The following EPS8 variants were observed in gnomAD, a reference collection of about 807,000 sequenced individuals.
EPS8 encodes EGFR pathway substrate 8, signaling adaptor, also known as epidermal growth factor receptor kinase substrate 8.
In EPS8, 42 loss-of-function variants were observed where a neutral mutation model predicts 103.8. The ratio of observed to expected loss-of-function variants is 0.40; its 90% CI spans 0.32 to 0.52. The LOEUF is 0.52. Among genes scored for constraint, EPS8 ranks in the 20% least tolerant of loss-of-function variants. The pLI, the probability that EPS8 is intolerant of heterozygous loss-of-function variation, is 0.40. For missense variants in EPS8, 969 were observed against 1,005.1 expected (o/e 0.96, Z 0.49); for synonymous variants, 344 against 344.6 (o/e 1.00, Z 0.02).
chr12:15,786,578 T>G lies in EPS8; in HGVS notation c.-22+2583A>C, dbSNP rs561011811. Among the ~76,000 whole-genome samples, 13 of 152,166 alleles carry G rather than the reference T, an allele frequency of 8.5e-5. No individual in the cohort carries two copies. The South Asian group carries it at 2.7e-3, about 32-fold the overall frequency. Reference sequence around the variant, plus strand: ...AGTAACAAATACCAATAATACAAGATGTTAATAAGAGGGGAAGCTGGTATG... The same window carrying G: ...AGTAACAAATACCAATAATACAAGAGGTTAATAAGAGGGGAAGCTGGTATG... On this transcript the variant is annotated intron_variant, in intron 1 of 20. Transcript: ENST00000281172.
In EPS8 at chr12:15,725,740, G is replaced by A. The variant is rs1400770960; in HGVS notation, c.-21-42768C>T. ...TAACAGAGAAATGAACAAAAAGATGGAAAAATATGAATTTTAAAAATTTAC... is the reference window on the plus strand; with the variant it reads ...TAACAGAGAAATGAACAAAAAGATGAAAAAATATGAATTTTAAAAATTTAC... On this transcript the variant is annotated intron_variant, in intron 1 of 20. Transcript: ENST00000281172. The surrounding 1 kb of genome is among the most constrained non-coding windows in gnomAD (Gnocchi z 4.5). 6.6e-6 allele frequency among the ~76,000 whole-genome samples: 1 copy of A among 152,080 alleles called. No individual in the cohort carries two copies. The highest frequency in any genetic ancestry group is 2.4e-5 in the African/African-American group (1 of 41,404).
chr12:15,666,526 C>A lies in EPS8; in HGVS notation c.517-4G>T, dbSNP rs138864985. 176 of 1,607,916 alleles carry A rather than the reference C, an allele frequency of 1.1e-4. 4 individuals are homozygous for A. The Admixed American group carries it at 2.8e-3, about 26-fold the overall frequency. ...TATCTTCACTAATTAGGTTTGCCTG[C>A]AAAGAGACACAAGTTACCTGAAAGT... On this transcript the variant is annotated splice_region_variant and splice_polypyrimidine_tract_variant and intron_variant, in intron 6 of 20. Transcript: ENST00000281172.
rs189939226 is a variant in EPS8 at position 15,761,130 on chromosome 12, C to T, written c.-22+28031G>A. On this transcript the variant is annotated intron_variant, in intron 1 of 20. Coordinates refer to ENST00000281172, the MANE Select transcript of EPS8 (RefSeq NM_004447.6). This position sits in a 1 kb window ranked among gnomAD's most constrained non-coding sequence, Gnocchi z 4.5. ...ATAATCAAATTACAAAAATCAGTAG[C>T]ATTTCTACATGCCAACAGACAACAA... 1.4e-3 allele frequency among the ~76,000 whole-genome samples: 220 copies of T among 151,924 alleles called. 1 individual carries two copies. Among genetic ancestry groups the T allele is most frequent in the African/African-American group, 5.1e-3 (210 of 41,472 alleles).
chr12:15,770,647 A>G (rs1366125953), intron 1 of EPS8, among the ~76,000 whole-genome samples: 1 of 152,214 alleles, frequency 6.6e-6, no homozygotes, highest in East Asian at 1.9e-4. Flanking sequence ...GTGAGATGTT[A>G]AAGAGCATAA....
intron 14 of EPS8, 55 bp from the exon 15 acceptor site, chr12:15,647,315 A>C: frequency 3.3e-6 from 5 of 1,510,918 alleles, no homozygotes; most frequent in Non-Finnish European, 3.6e-6. Context: ...TTGAATCAGC[A>C]CTCAGGTCAG....
At chr12:15,681,956 T>C (rs767224960) in intron 2 of EPS8, among the ~76,000 whole-genome samples, 11 of 152,020 alleles carry the variant, frequency 7.2e-5, no homozygotes, top group Admixed American at 7.2e-4. Flanking sequence ...ATAAAATAAG[T>C]ACATAAAATA....
intron 18 of EPS8, among the ~76,000 whole-genome samples, chr12:15,630,348 G>A (rs981923017): frequency 5.3e-5 from 8 of 151,918 alleles, no homozygotes; most frequent in Non-Finnish European, 1.2e-4. Flanking sequence ...TTTATAATAC[G>A]TTTAAAACAC....
At chr12:15,691,535 C>G (rs1946172136) in intron 1 of EPS8, among the ~76,000 whole-genome samples, 1 of 152,116 alleles carries the variant, frequency 6.6e-6, no homozygotes, top group African/African-American at 2.4e-5. Context: ...GGGAGACATT[C>G]GGTTCATAAC....
intron 1 of EPS8, among the ~76,000 whole-genome samples, chr12:15,689,295 A>G (rs898481945): frequency 3.3e-5 from 5 of 152,152 alleles, no homozygotes; most frequent in Admixed American, 2.0e-4. Flanking sequence ...TTGGAAAGGA[A>G]GAGTATTTAC....
Position 15,738,986 on chromosome 12 carries a change from T to G in EPS8, c.-22+50175A>C, listed in dbSNP as rs761955700. 1.3e-5 allele frequency among the ~76,000 whole-genome samples: 2 copies of G among 152,214 alleles called. No homozygotes were observed. Among genetic ancestry groups the G allele is most frequent in the Non-Finnish European group, 2.9e-5 (2 of 68,036 alleles). ...GTCCATGCAGGCATGTCTATGCAGA[T>G]TGCTCTAATATAGCACAGACTACAT... On this transcript the variant is annotated intron_variant, in intron 1 of 20. Coordinates refer to ENST00000281172, the MANE Select transcript of EPS8 (RefSeq NM_004447.6). The surrounding 1 kb of genome is among the most constrained non-coding windows in gnomAD (Gnocchi z 6.2).
rs1010649064 is a variant in EPS8 at position 15,704,734 on chromosome 12, T to C, written c.-21-21762A>G. Among the ~76,000 whole-genome samples the C allele has an allele frequency of 3.9e-5, 6 of 152,170 alleles. No homozygotes were observed. The highest frequency in any genetic ancestry group is 7.4e-5 in the Non-Finnish European group (5 of 68,024). On this transcript the variant is annotated intron_variant, in intron 1 of 20. Transcript: ENST00000281172. This position sits in a 1 kb window ranked among gnomAD's most constrained non-coding sequence, Gnocchi z 4.6. Reference sequence around the variant, plus strand: ...AAGATGGTTAAGTTGGTAAATTTAATATCAACTTTATCACAATAATTAGAG... The same window carrying C: ...AAGATGGTTAAGTTGGTAAATTTAACATCAACTTTATCACAATAATTAGAG...
rs1946787909 is a variant in EPS8 at position 15,738,478 on chromosome 12, C to A, written c.-22+50683G>T. Among the ~76,000 whole-genome samples, 1 of 152,104 alleles carries A rather than the reference C, an allele frequency of 6.6e-6. No individual in the cohort carries two copies. Among genetic ancestry groups the A allele is most frequent in the South Asian group, 2.1e-4 (1 of 4,828 alleles). The stretch of plus-strand genomic sequence containing the variant: ...TCAATATGTTTGGTGTTTGAAGGAT[C>A]AATCTATACTAAAAATATCAAAATA... On this transcript the variant is annotated intron_variant, in intron 1 of 20. Transcript: ENST00000281172. This position sits in a 1 kb window ranked among gnomAD's most constrained non-coding sequence, Gnocchi z 6.2.
intron 1 of EPS8, among the ~76,000 whole-genome samples, chr12:15,739,399 T>C (rs1000616402): frequency 1.3e-5 from 2 of 152,098 alleles, no homozygotes; most frequent in African/African-American, 4.8e-5. Context: ...TCTGTGACGG[T>C]GTTTCTGGGA....
At chr12:15,642,631 C>A (rs1163631088) in intron 15 of EPS8, among the ~76,000 whole-genome samples, 1 of 151,986 alleles carries the variant, frequency 6.6e-6, no homozygotes, top group Non-Finnish European at 1.5e-5. Flanking sequence ...ATTACTTTAA[C>A]CCTTTATTAA....
rs114075063 is a variant in EPS8, at chr12:15,767,279, C to T, written c.-22+21882G>A. Among the ~76,000 whole-genome samples, 443 of 152,246 alleles carry T rather than the reference C, an allele frequency of 2.9e-3. 2 individuals are homozygous for T. Among genetic ancestry groups the T allele is most frequent in the African/African-American group, 0.01 (429 of 41,530 alleles). On this transcript the variant is annotated intron_variant, in intron 1 of 20. Transcript: ENST00000281172. The surrounding 1 kb of genome is among the most constrained non-coding windows in gnomAD (Gnocchi z 5.5). ...ATGGACAGAACAACAGAGTTCATCC[C>T]TACCATTTTCACAAATTATTTCTAC...
intron 1 of EPS8, among the ~76,000 whole-genome samples, chr12:15,707,163 G>A (rs1946398397): frequency 6.6e-6 from 1 of 152,110 alleles, no homozygotes; most frequent in South Asian, 2.1e-4. Context: ...TCCTAAAAGG[G>A]AACAAGTCTA....
Position 15,776,787 on chromosome 12 carries a change from G to A in EPS8, c.-22+12374C>T, listed in dbSNP as rs1464664446. 9.2e-5 allele frequency among the ~76,000 whole-genome samples: 14 copies of A among 151,980 alleles called. No individual in the cohort carries two copies. Among genetic ancestry groups the A allele is most frequent in the African/African-American group, 3.1e-4 (13 of 41,392 alleles). ...TTTTAGCGTTTCCCCTTTTGCTACCGCCAAACTATTTTTATATCAGATTCT... is the reference window on the plus strand; with the variant it reads ...TTTTAGCGTTTCCCCTTTTGCTACCACCAAACTATTTTTATATCAGATTCT... On this transcript the variant is annotated intron_variant, in intron 1 of 20. Transcript: ENST00000281172. This position sits in a 1 kb window ranked among gnomAD's most constrained non-coding sequence, Gnocchi z 4.2.
intron 1 of EPS8, among the ~76,000 whole-genome samples, chr12:15,750,855 A>C (rs1272128416): frequency 6.6e-6 from 1 of 152,188 alleles, no homozygotes; most frequent in Non-Finnish European, 1.5e-5. Flanking sequence ...ATTTATATTA[A>C]CTCAAAAAGA....
At position 15,706,814 on chromosome 12, in the gene EPS8, C is replaced by T. The variant is rs1280668041; in HGVS notation, c.-21-23842G>A. On this transcript the variant is annotated intron_variant, in intron 1 of 20. Transcript: ENST00000281172. The surrounding 1 kb of genome is among the most constrained non-coding windows in gnomAD (Gnocchi z 5.2). ...AAATGACACAATTCTCCAACCTACT[C>T]TATTGTCTATGTGTACAAGTTTTTT... 1.3e-5 allele frequency among the ~76,000 whole-genome samples: 2 copies of T among 152,110 alleles called. No individual in the cohort carries two copies. The highest frequency in any genetic ancestry group is 2.9e-5 in the Non-Finnish European group (2 of 68,020).
Sources: gnomAD v4.1 joint callset for allele counts (sites outside exome capture counted in the v4.1 genomes callset) on GRCh38, gnomAD v4.1.1 for gene constraint, Gnocchi (gnomAD v3.1) non-coding constraint, MANE v1.5 for transcripts, NCBI Gene and HGNC (gene_info 2026-07-23, HGNC 2026-07-21) for gene names.